TRRAP: variants seen among roughly 807,000 people sequenced by gnomAD.
TRRAP encodes the protein transformation/transcription domain-associated protein.
TRRAP carries 41 observed loss-of-function variants against 438.8 expected under a neutral mutation model. That is an observed-to-expected ratio of 0.09 (90% CI 0.07 to 0.12). TRRAP has a LOEUF of 0.12. Among genes scored for constraint, TRRAP ranks in the 10% least tolerant of loss-of-function variants. The pLI is 1.00. For missense variants in TRRAP, 3,122 were observed against 5,055.1 expected (o/e 0.62, Z 11.60); for synonymous variants, 1,994 against 1,962.9 (o/e 1.02, Z -0.42).
In TRRAP at chr7:98,893,873, A is replaced by G. The variant is rs782664293; in HGVS notation, c.442A>G (p.Thr148Ala). Residue 148 changes from threonine (T) to alanine (A), a missense_variant, in exon 6 of 73, where the codon ACA becomes GCA. By Grantham distance (58) the Thr-to-Ala change is moderately conservative. Transcript: ENST00000456197. ...ACACAAACAGTTCAGGCCACCGATCACACAAGAAGTAAGTTGTTTAAAATC... is the reference window on the plus strand; with the variant it reads ...ACACAAACAGTTCAGGCCACCGATCGCACAAGAAGTAAGTTGTTTAAAATC... ...ELHKQFRPPI[T>A]QEIHHFLDFV... 7 of 1,613,434 alleles carry G rather than the reference A, an allele frequency of 4.3e-6. 1 individual carries two copies. The South Asian group carries it at 7.7e-5, about 18-fold the overall frequency.
rs757706077 is a variant in TRRAP at position 99,011,075 on chromosome 7, G to A, written c.10962G>A (p.Glu3654=). Residue 3654 remains glutamate (E), a synonymous_variant, in exon 71 of 73, where the codon GAG becomes GAA. Coordinates refer to ENST00000456197, the MANE Select transcript of TRRAP (RefSeq NM_001375524.1). This position sits in a 1 kb window ranked among gnomAD's most constrained non-coding sequence, Gnocchi z 7.1. ...SHQVLRDILK[E]VQSNMVPRSM... Reference sequence around the variant, plus strand: ...AGGTCCTCCGCGACATCCTCAAGGAGGTTCAGAGTAACATGGTGCCGCGCA... The same window carrying A: ...AGGTCCTCCGCGACATCCTCAAGGAAGTTCAGAGTAACATGGTGCCGCGCA... 6.2e-7 allele frequency: 1 copy of A among 1,614,170 alleles called. No individual in the cohort carries two copies. Among genetic ancestry groups the A allele is most frequent in the Non-Finnish European group, 8.5e-7 (1 of 1,180,016 alleles).
intron 12 of TRRAP, 144 bp downstream of exon 12, chr7:98,903,661 T>A: frequency 8.3e-7 from 1 of 1,198,650 alleles, no homozygotes; most frequent in Non-Finnish European, 1.2e-6. Context: ...TTCTTTCCCC[T>A]CTTTTCTCTC....
At position 98,910,062 on chromosome 7, in the gene TRRAP, G is replaced by A. The variant is rs782754061; in HGVS notation, c.1357G>A (p.Val453Ile). 1.7e-5 allele frequency: 26 copies of A among 1,535,338 alleles called. No individual in the cohort carries two copies. The highest frequency in any genetic ancestry group is 2.1e-5 in the Admixed American group (1 of 48,054). ...GAATTTCTCTTCCCGTTAGGTTTTCGTTCTCAAATTCCACACAATTGCTCG... is the reference window on the plus strand; with the variant it reads ...GAATTTCTCTTCCCGTTAGGTTTTCATTCTCAAATTCCACACAATTGCTCG... ...DVLMRMLEVF[V>I]LKFHTIARYQ... The change falls in exon 15 of 73, where the codon GTT becomes ATT. Residue 453 changes from valine to isoleucine, a missense_variant. Val to Ile is a conservative substitution (Grantham distance 29). Around this residue, in one of 24 missense-constraint regions of TRRAP, gnomAD observed 343 missense variants for 564.0 expected, o/e 0.61. Coordinates refer to ENST00000456197, the MANE Select transcript of TRRAP (RefSeq NM_001375524.1).
Position 98,956,560 on chromosome 7 carries a change from G to A in TRRAP, c.6231+27G>A, listed in dbSNP as rs375957105. 46 of 1,600,266 alleles carry A rather than the reference G, an allele frequency of 2.9e-5. No homozygotes were observed. Among genetic ancestry groups the A allele is most frequent in the Non-Finnish European group, 3.7e-5 (43 of 1,175,242 alleles). On this transcript the variant is annotated intron_variant, in intron 43 of 72. Coordinates refer to ENST00000456197, the MANE Select transcript of TRRAP (RefSeq NM_001375524.1). The surrounding 1 kb of genome is among the most constrained non-coding windows in gnomAD (Gnocchi z 4.5). ...TAAGATCATGTGCCTCTGTATGGGT[G>A]CTGCGCATTCTGCTGGGAGTTGGTT... is the stretch of plus-strand genomic sequence containing the variant.
chr7:98,937,316 GCA>G (rs782148263), intron 29 of TRRAP, 39 bp downstream of exon 29: 100 of 1,592,520 alleles, frequency 6.3e-5, no homozygotes, highest in African/African-American at 1.8e-4. Flanking sequence ...ACGCGTGTGT[GCA>G]CACACATGTG....
At chr7:98,933,639 G>A (rs1352245475) in intron 27 of TRRAP, among the ~76,000 whole-genome samples, 1 of 152,208 alleles carries the variant, frequency 6.6e-6, no homozygotes, top group Non-Finnish European at 1.5e-5. Context: ...AACTCTGTTA[G>A]CCCCAACAGG....
chr7:98,975,789 G>T (rs1036988396), intron 53 of TRRAP, among the ~76,000 whole-genome samples: 2 of 152,194 alleles, frequency 1.3e-5, no homozygotes, highest in South Asian at 4.1e-4. Context: ...AGTGGCCTGG[G>T]CCTCGGTGAC....
At chr7:98,909,279 C>T (rs1209652256) in intron 14 of TRRAP, among the ~76,000 whole-genome samples, 4 of 152,196 alleles carry the variant, frequency 2.6e-5, no homozygotes, top group East Asian at 3.9e-4. Flanking sequence ...CTGCCTCAGC[C>T]TCCCAAAGTG....
At position 98,903,218 on chromosome 7, in the gene TRRAP, C is replaced by T. The variant is rs538000395; in HGVS notation, c.898-161C>T. On this transcript the variant is annotated intron_variant, in intron 11 of 72. Transcript: ENST00000456197. ...TGTATTTTTAGTAGAGATGGGGTTT[C>T]ACCATGTTGGCCAGGCTAGTCTTGA... Among the ~76,000 whole-genome samples, 74 of 152,314 alleles carry T rather than the reference C, an allele frequency of 4.9e-4. No homozygotes were observed. In the Middle Eastern group the frequency reaches 0.024, roughly 49 times the overall value.
chr7:98,933,347 C>G lies in TRRAP; in HGVS notation c.3959C>G (p.Pro1320Arg), dbSNP rs1790412795. The change falls in exon 27 of 73, where the codon CCC becomes CGC. Residue 1320 changes from proline to arginine, a missense_variant. Pro to Arg is a moderately radical substitution (Grantham distance 103). Around this residue, in one of 24 missense-constraint regions of TRRAP, gnomAD observed 84 missense variants for 119.8 expected, o/e 0.70. Transcript: ENST00000456197. ...EGNTFCTTLQ[P>R]RLFTMDLNVV... ...AACACGTTCTGTACCACGTTGCAGC[C>G]CAGGCTCTTCACAATGGACCTTAAC... 1 of 1,613,974 alleles carries G rather than the reference C, an allele frequency of 6.2e-7. No individual in the cohort carries two copies. Among genetic ancestry groups the G allele is most frequent in the East Asian group, 2.2e-5 (1 of 44,894 alleles).
At chr7:98,941,249 C>T (rs1790783264) in intron 30 of TRRAP, among the ~76,000 whole-genome samples, 2 of 152,282 alleles carry the variant, frequency 1.3e-5, no homozygotes, top group Middle Eastern at 3.4e-3. Context: ...GATCATAGCT[C>T]ACTGCAACCT....
At chr7:98,962,482 G>A (rs1467965093) in intron 47 of TRRAP, 55 bp downstream of exon 47, 24 of 1,610,816 alleles carry the variant, frequency 1.5e-5, no homozygotes, top group African/African-American at 6.7e-5. Context: ...CTCTTTCCCC[G>A]CTCACTGGAC....
intron 40 of TRRAP, among the ~76,000 whole-genome samples, chr7:98,954,858 T>C (rs549516438): frequency 4.4e-4 from 67 of 152,386 alleles, no homozygotes; most frequent in Non-Finnish European, 6.6e-4. Context: ...CTTACCTGTC[T>C]GCATGTCCTG....
At position 98,910,338 on chromosome 7, in the gene TRRAP, G is replaced by C; in HGVS notation, c.1633G>C (p.Asp545His). The change falls in exon 15 of 73, where the codon GAC (aspartate) becomes CAC (histidine). Residue 545 changes from aspartate (D) to histidine (H), a missense_variant. By Grantham distance (81) the Asp-to-His change is moderately conservative (BLOSUM62 -1). Coordinates refer to ENST00000456197, the MANE Select transcript of TRRAP (RefSeq NM_001375524.1). ...AGACAAGCAGACATTCCAAGTCACA[G>C]ACTGTCGAAGTTTGGTCAAAACCTT... ...KEDKQTFQVT[D>H]CRSLVKTLVC... 2 of 1,610,874 alleles carry C rather than the reference G, an allele frequency of 1.2e-6. No individual in the cohort carries two copies. The highest frequency in any genetic ancestry group is 1.7e-6 in the Non-Finnish European group (2 of 1,179,838).
chr7:98,893,740 A>T, intron 5 of TRRAP, 58 bp from the exon 6 acceptor site: 1 of 1,493,920 alleles, frequency 6.7e-7, no homozygotes, highest in Non-Finnish European at 9.2e-7. Context: ...CTGCTGAGAA[A>T]ATTAGCCTTT....
intron 58 of TRRAP, among the ~76,000 whole-genome samples, chr7:98,980,877 CCCCCGTTTCTACAAAAAATAA>C (rs1293293539): frequency 6.6e-6 from 1 of 151,564 alleles, no homozygotes; most frequent in Admixed American, 6.6e-5. Context: ...AACAGCAAGA[CCCCCGTTTCTACAAAAAATAA>C]ACAAAAATTA....
Position 98,965,876 on chromosome 7 carries a change from C to T in TRRAP, c.7157C>T (p.Ser2386Phe). 6.2e-7 allele frequency: 1 copy of T among 1,614,174 alleles called. No individual in the cohort carries two copies. The highest frequency in any genetic ancestry group is 8.5e-7 in the Non-Finnish European group (1 of 1,180,042). ...KIVEEWVKNN[S>F]PMAANQTPTL... ...GTGGAAGAATGGGTCAAGAATAACT[C>T]CCCAATGGCAGCCAATCAGGTGAGC... is the stretch of plus-strand genomic sequence containing the variant. Residue 2386 changes from serine to phenylalanine, a missense_variant, in exon 49 of 73, where the codon TCC (serine) becomes TTC (phenylalanine). By Grantham distance (155) the Ser-to-Phe change is radical. Around this residue, in one of 24 missense-constraint regions of TRRAP, gnomAD observed 992 missense variants for 1,281.2 expected, o/e 0.77. Transcript: ENST00000456197.
rs774579477 is a variant in TRRAP at position 99,012,107 on chromosome 7, A to G, written c.11374A>G (p.Ile3792Val). ...GILKTVLRDE[I>V]IAWHKKTQED... is the part of the protein sequence containing the mutation. ...TCTGAAAACGGTTCTCCGGGACGAG[A>G]TCATTGCTTGGCACAAAAAAACACA... The change falls in exon 73 of 73, where the codon ATC (isoleucine) becomes GTC (valine). Residue 3792 changes from isoleucine to valine, a missense_variant. Ile to Val is a conservative substitution (Grantham distance 29, BLOSUM62 3). Coordinates refer to ENST00000456197, the MANE Select transcript of TRRAP (RefSeq NM_001375524.1). The surrounding 1 kb of genome is among the most constrained non-coding windows in gnomAD (Gnocchi z 5.9). 18 of 1,613,926 alleles carry G rather than the reference A, an allele frequency of 1.1e-5. No individual in the cohort carries two copies. In the African/African-American group the frequency reaches 2.3e-4, roughly 20 times the overall value.
chr7:98,932,813 C>T (rs1286947934), intron 26 of TRRAP, among the ~76,000 whole-genome samples: 2 of 151,896 alleles, frequency 1.3e-5, no homozygotes, highest in East Asian at 3.9e-4. Context: ...AGTATGTTTT[C>T]TCCTTGCTTG....
Sources: allele counts gnomAD v4.1 joint callset (sites outside exome capture counted in the v4.1 genomes callset), GRCh38; gene constraint gnomAD v4.1.1; regional missense constraint gnomAD v4.1.1; non-coding constraint Gnocchi (gnomAD v3.1); transcripts MANE v1.5; gene names NCBI Gene and HGNC (gene_info 2026-07-23, HGNC 2026-07-21).